HS3ST4: variants seen among roughly 807,000 people sequenced by gnomAD.
The protein encoded by HS3ST4 is heparan sulfate glucosamine 3-O-sulfotransferase 4.
A neutral mutation model predicts 29.2 loss-of-function variants in HS3ST4; 17 were observed. The observed-to-expected ratio is 0.58, with a 90% confidence interval of 0.40 to 0.87. The LOEUF (loss-of-function observed/expected upper bound fraction) is 0.87, where lower values mean the gene tolerates loss of function less well. HS3ST4 is among the 40% of genes least tolerant of loss of function. The pLI is 0.00. For missense variants in HS3ST4, 627 were observed against 634.5 expected, an observed-to-expected ratio of 0.99 and a Z score of 0.13; for synonymous variants, 314 against 285.7, an observed-to-expected ratio of 1.10 and a Z score of -1.00.
intron 1 of HS3ST4, among the ~76,000 whole-genome samples, chr16:25,986,981 T>C (rs1969070647): frequency 6.6e-6 from 1 of 152,242 alleles, no homozygotes; most frequent in African/African-American, 2.4e-5. Context: ...CTGGTTAAAA[T>C]GTCTGCCGGC....
intron 1 of HS3ST4, among the ~76,000 whole-genome samples, chr16:25,860,534 C>T (rs538784391): frequency 4.6e-5 from 7 of 152,062 alleles, no homozygotes; most frequent in African/African-American, 1.7e-4. Flanking sequence ...GACTATTATT[C>T]AGTGCTGAAA....
chr16:26,114,962 C>T (rs748269773), intron 1 of HS3ST4, among the ~76,000 whole-genome samples: 2 of 151,916 alleles, frequency 1.3e-5, no homozygotes, highest in Non-Finnish European at 2.9e-5. Context: ...AATGGAAAAT[C>T]GGAAACTAAA....
chr16:25,713,968 C>T (rs963605367), intron 1 of HS3ST4, among the ~76,000 whole-genome samples: 1 of 152,078 alleles, frequency 6.6e-6, no homozygotes, highest in Non-Finnish European at 1.5e-5. Flanking sequence ...CACCCCCCAG[C>T]CCATCTGTAG....
chr16:26,135,753 C>T lies in HS3ST4; in HGVS notation c.876C>T (p.Thr292=). The T allele has an allele frequency of 6.2e-7, 1 of 1,614,102 alleles. No individual in the cohort carries two copies. The highest frequency in any genetic ancestry group is 1.1e-5 in the South Asian group (1 of 91,088). Residue 292 remains threonine, a synonymous_variant, in exon 2 of 2, where the codon ACC becomes ACT. Transcript: ENST00000331351. ...KLIVVVRNPV[T]RAISDYTQTL... Reference sequence around the variant, plus strand: ...TTGTGGTGGTGAGAAACCCCGTGACCAGGGCCATCTCTGACTACACGCAGA... The same window carrying T: ...TTGTGGTGGTGAGAAACCCCGTGACTAGGGCCATCTCTGACTACACGCAGA...
At position 25,692,738 on chromosome 16, in the gene HS3ST4, C is replaced by A. The variant is rs1966263728; in HGVS notation, c.321C>A (p.Ser107Arg). The change falls in exon 1 of 2, where the codon AGC becomes AGA. Residue 107 changes from serine (S) to arginine (R), a missense_variant. Coordinates refer to ENST00000331351, the MANE Select transcript of HS3ST4 (RefSeq NM_006040.3). Reference sequence around the variant, plus strand: ...CGCCGCCGCCGCTGGACAACGCGAGCCACGGGGAGCCGCCCGAGCCCCCAG... The same window carrying A: ...CGCCGCCGCCGCTGGACAACGCGAGACACGGGGAGCCGCCCGAGCCCCCAG... ...PPAPPPLDNA[S>R]HGEPPEPPEQ... The A allele has an allele frequency of 1.5e-5, 19 of 1,283,182 alleles. No individual in the cohort carries two copies. The highest frequency in any genetic ancestry group is 1.7e-5 in the Non-Finnish European group (17 of 1,019,272). The allele number at this position is 1,283,182 out of a possible 1,614,324, so 79.5% of individuals were successfully genotyped here.
chr16:25,936,762 T>C (rs1968520518), intron 1 of HS3ST4, among the ~76,000 whole-genome samples: 1 of 152,200 alleles, frequency 6.6e-6, no homozygotes. Context: ...TTAGGATGCA[T>C]TGTAGTCCAA....
intron 1 of HS3ST4, among the ~76,000 whole-genome samples, chr16:25,790,037 T>C (rs1428983962): frequency 5.9e-5 from 9 of 152,214 alleles, no homozygotes. Context: ...TTCTTAAACA[T>C]TCCTTTAGGA....
intron 1 of HS3ST4, among the ~76,000 whole-genome samples, chr16:26,069,736 G>T (rs1388755122): frequency 2.4e-5 from 3 of 123,764 alleles, no homozygotes; most frequent in African/African-American, 9.7e-5. Context: ...GCCCTGGTGT[G>T]TGATGTTCCC....
intron 1 of HS3ST4, among the ~76,000 whole-genome samples, chr16:25,939,046 G>T (rs1335328809): frequency 2.0e-5 from 3 of 152,022 alleles, no homozygotes; most frequent in African/African-American, 7.2e-5. Context: ...CATAAATTTG[G>T]CCCTCTTACT....
At chr16:25,999,800 A>ATAT (rs1969190941) in intron 1 of HS3ST4, among the ~76,000 whole-genome samples, 3 of 136,192 alleles carry the variant, frequency 2.2e-5, no homozygotes, top group Non-Finnish European at 4.6e-5. Context: ...TTTTATATAT[A>ATAT]TTATATGTAT....
intron 1 of HS3ST4, among the ~76,000 whole-genome samples, chr16:25,883,467 C>T (rs1463395512): frequency 6.6e-6 from 1 of 152,044 alleles, no homozygotes; most frequent in Non-Finnish European, 1.5e-5. Flanking sequence ...GTACCTAAAA[C>T]CAAAATAAAT....
chr16:25,822,051 C>T (rs1450181488), intron 1 of HS3ST4, among the ~76,000 whole-genome samples: 1 of 152,090 alleles, frequency 6.6e-6, no homozygotes, highest in Non-Finnish European at 1.5e-5. Flanking sequence ...TTGTGATGCC[C>T]GGTATGTCTA....
intron 1 of HS3ST4, among the ~76,000 whole-genome samples, chr16:25,861,884 C>T (rs1230927731): frequency 6.6e-6 from 1 of 152,144 alleles, no homozygotes; most frequent in African/African-American, 2.4e-5. Flanking sequence ...TTTCACTCAA[C>T]GTTGTGTTTG....
intron 1 of HS3ST4, among the ~76,000 whole-genome samples, chr16:25,860,782 C>T (rs542064865): frequency 7.2e-5 from 11 of 152,222 alleles, no homozygotes; most frequent in African/African-American, 2.2e-4. Flanking sequence ...TATGATACTA[C>T]GATGGTGGAT....
chr16:25,903,144 C>T (rs974747714), intron 1 of HS3ST4, among the ~76,000 whole-genome samples: 7 of 151,782 alleles, frequency 4.6e-5, no homozygotes, highest in Non-Finnish European at 7.4e-5. Flanking sequence ...GCATCTTACC[C>T]CCAAACTCCT....
chr16:25,711,804 A>AT (rs1359921591), intron 1 of HS3ST4, among the ~76,000 whole-genome samples: 1 of 152,006 alleles, frequency 6.6e-6, no homozygotes, highest in East Asian at 1.9e-4. Context: ...TTATTGCTTC[A>AT]TTTTTTCCTG....
At chr16:26,043,446 A>G (rs1226672526) in intron 1 of HS3ST4, among the ~76,000 whole-genome samples, 3 of 152,172 alleles carry the variant, frequency 2.0e-5, no homozygotes, top group African/African-American at 4.8e-5. Context: ...TTGGGTTGAA[A>G]TCCCAGCCTA....
intron 1 of HS3ST4, among the ~76,000 whole-genome samples, chr16:25,841,133 G>A (rs1967408639): frequency 6.6e-6 from 1 of 151,690 alleles, no homozygotes; most frequent in African/African-American, 2.4e-5. Flanking sequence ...AGCCTCCCAA[G>A]TAGCTGGGAC....
At chr16:25,726,039 T>C (rs796688907) in intron 1 of HS3ST4, among the ~76,000 whole-genome samples, 17 of 152,322 alleles carry the variant, frequency 1.1e-4, no homozygotes, top group African/African-American at 3.8e-4. Flanking sequence ...CTATGAATAA[T>C]GGACTCTTAC....
Sources: gnomAD v4.1 joint callset for allele counts (sites outside exome capture counted in the v4.1 genomes callset) on GRCh38, gnomAD v4.1.1 for gene constraint, MANE v1.5 for transcripts, NCBI Gene and HGNC (gene_info 2026-07-23, HGNC 2026-07-21) for gene names.